Variants in LRBA observed in about 807,000 individuals in gnomAD.
LRBA encodes lipopolysaccharide-responsive and beige-like anchor protein.
A neutral mutation model predicts 330.0 loss-of-function variants in LRBA; 176 were observed. The observed-to-expected ratio is 0.53, with a 90% CI of 0.47 to 0.60. The LOEUF (loss-of-function observed/expected upper bound fraction) is 0.60. Among genes scored for constraint, LRBA ranks in the 20% least tolerant of loss-of-function variants. LRBA has a pLI of 0.00. For synonymous variants in LRBA, 1,230 were observed against 1,193.0 expected, an observed-to-expected ratio of 1.03 and a Z score of -0.64; for missense variants, 3,259 against 3,444.8, an observed-to-expected ratio of 0.95 and a Z score of 1.35.
chr4:150,728,606 T>C (rs1209465900), intron 36 of LRBA, among the ~76,000 whole-genome samples: 11 of 152,072 alleles, frequency 7.2e-5, no homozygotes, highest in African/African-American at 2.2e-4. Flanking sequence ...AAAATGATCA[T>C]TTCAATTGAT....
chr4:150,432,739 A>G (rs542290803), intron 46 of LRBA, among the ~76,000 whole-genome samples: 1 of 151,998 alleles, frequency 6.6e-6, no homozygotes, highest in East Asian at 1.9e-4. Context: ...ATTTATCTCT[A>G]TTATAATAAT....
Position 150,908,390 on chromosome 4 carries a change from A to C in LRBA, c.1437T>G (p.Leu479=), listed in dbSNP as rs1419100575. The part of the protein sequence containing the change: ...SIGGVQVLFP[L]FAQLDYRQYL... ...ATTGCCTGTAATCCAACTGTGCAAA[A>C]AGTGGAAATAGTACTTGTACTCCTC... Residue 479 remains leucine (L), a synonymous_variant, in exon 11 of 57, where the codon CTT becomes CTG. Transcript: ENST00000651943. 6.8e-6 allele frequency: 11 copies of C among 1,610,854 alleles called. No homozygotes were observed. The highest frequency in any genetic ancestry group is 7.6e-6 in the Non-Finnish European group (9 of 1,179,274).
chr4:150,389,353 CTAAA>C (rs555482145), intron 47 of LRBA, among the ~76,000 whole-genome samples: 3 of 150,264 alleles, frequency 2.0e-5, no homozygotes, highest in East Asian at 3.9e-4. Context: ...GACTCAGTCT[CTAAA>C]TAAATAAATA....
chr4:150,310,450 A>G, intron 51 of LRBA, 66 bp from the exon 52 acceptor site: 2 of 1,057,418 alleles, frequency 1.9e-6, no homozygotes, highest in East Asian at 2.4e-5. Flanking sequence ...ATAGTGAGGG[A>G]GAAGAGGAGA....
chr4:150,479,310 G>C (rs773329587), intron 42 of LRBA, among the ~76,000 whole-genome samples: 2 of 151,994 alleles, frequency 1.3e-5, no homozygotes, highest in African/African-American at 4.8e-5. Context: ...TTTAACTGTG[G>C]GAGAACATTA....
chr4:150,279,640 A>G (rs1747251200), intron 55 of LRBA, among the ~76,000 whole-genome samples: 1 of 152,266 alleles, frequency 6.6e-6, no homozygotes, highest in Non-Finnish European at 1.5e-5. Context: ...AACTTTTAGT[A>G]GTCCCTTAAA....
intron 35 of LRBA, among the ~76,000 whole-genome samples, chr4:150,748,666 C>T (rs1329993308): frequency 1.4e-5 from 2 of 143,436 alleles, no homozygotes; most frequent in East Asian, 4.0e-4. Context: ...GATTCCATCT[C>T]ACAGAAAAAA....
At chr4:150,923,282 T>G (rs1197075297) in intron 4 of LRBA, among the ~76,000 whole-genome samples, 1 of 152,090 alleles carries the variant, frequency 6.6e-6, no homozygotes, top group African/African-American at 2.4e-5. Flanking sequence ...TTAGCCTCAT[T>G]TTGCTTCTTA....
chr4:150,433,755 A>T (rs945613708), intron 46 of LRBA, among the ~76,000 whole-genome samples: 4 of 152,162 alleles, frequency 2.6e-5, no homozygotes, highest in Non-Finnish European at 5.9e-5. Flanking sequence ...CAAAATTATT[A>T]TATCTGTTAA....
intron 40 of LRBA, among the ~76,000 whole-genome samples, chr4:150,504,433 A>G (rs991283107): frequency 3.3e-5 from 5 of 152,246 alleles, no homozygotes; most frequent in African/African-American, 1.2e-4. Flanking sequence ...AGTGGGGGCC[A>G]ATATTCAACA....
intron 17 of LRBA, among the ~76,000 whole-genome samples, chr4:150,873,589 CA>C (rs571190977): frequency 1.6e-4 from 22 of 134,052 alleles, no homozygotes; most frequent in East Asian, 4.3e-4. Flanking sequence ...GACTCTGTCT[CA>C]AAAAAAAAAA....
intron 47 of LRBA, among the ~76,000 whole-genome samples, chr4:150,369,703 C>G (rs182786300): frequency 1.4e-3 from 206 of 151,842 alleles, no homozygotes; most frequent in African/African-American, 4.9e-3. Flanking sequence ...AAGTATTGTA[C>G]GTATATAAAA....
intron 40 of LRBA, among the ~76,000 whole-genome samples, chr4:150,521,765 A>C (rs1030049066): frequency 6.6e-6 from 1 of 152,196 alleles, no homozygotes; most frequent in Admixed American, 6.5e-5. Context: ...AACCAAACAA[A>C]TGGTCTTCAC....
At chr4:151,014,984 C>A in intron 1 of LRBA, 123 bp from the exon 2 acceptor site, 1 of 200,420 alleles carries the variant, frequency 5.0e-6, no homozygotes, top group Non-Finnish European at 1.0e-5. Context: ...ACTAGCCACC[C>A]GCTTCTCCCG....
intron 5 of LRBA, among the ~76,000 whole-genome samples, chr4:150,920,663 A>G (rs1310713193): frequency 2.0e-5 from 3 of 152,212 alleles, no homozygotes; most frequent in African/African-American, 7.2e-5. Context: ...CTTCTATAAC[A>G]TTACGAAACA....
intron 40 of LRBA, among the ~76,000 whole-genome samples, chr4:150,501,057 TC>T (rs1485150091): frequency 6.6e-5 from 10 of 152,222 alleles, no homozygotes; most frequent in Admixed American, 6.5e-4. Flanking sequence ...TCAGACGTAA[TC>T]TTCCAAAAAG....
intron 30 of LRBA, among the ~76,000 whole-genome samples, chr4:150,818,778 G>A (rs898871130): frequency 2.0e-5 from 3 of 151,974 alleles, no homozygotes; most frequent in Admixed American, 6.6e-5. Flanking sequence ...GCAAGATCTA[G>A]TTTACTCATA....
chr4:150,522,620 C>CT (rs1763039739), intron 40 of LRBA, among the ~76,000 whole-genome samples: 1 of 152,196 alleles, frequency 6.6e-6, no homozygotes, highest in Non-Finnish European at 1.5e-5. Context: ...ACCAGCACAG[C>CT]TCAAGTCTCC....
chr4:150,933,338 C>T (rs1446579845), intron 2 of LRBA, among the ~76,000 whole-genome samples: 1 of 150,050 alleles, frequency 6.7e-6, no homozygotes, highest in African/African-American at 2.5e-5. Flanking sequence ...CAGTGAGTCA[C>T]CTGGGCAACA....
Sources: gnomAD v4.1 joint callset for allele counts (sites outside exome capture counted in the v4.1 genomes callset) on GRCh38, gnomAD v4.1.1 for gene constraint, MANE v1.5 for transcripts, NCBI Gene and HGNC (gene_info 2026-07-23, HGNC 2026-07-21) for gene names.